Variants in TANC2 observed in about 807,000 individuals in gnomAD.
TANC2 encodes protein TANC2.
TANC2 carries 26 observed loss-of-function variants against 210.5 expected under a neutral mutation model. The observed-to-expected ratio is 0.12, with a 90% CI of 0.09 to 0.17. TANC2 has a LOEUF of 0.17. TANC2 is among the 10% of genes least tolerant of loss of function. TANC2 has a pLI of 1.00. For synonymous variants in TANC2, 931 were observed against 967.1 expected (o/e 0.96, Z 0.69); for missense variants, 2,129 against 2,608.9 (o/e 0.82, Z 4.01).
rs1253649108 is a variant in TANC2 at position 63,277,373 on chromosome 17, A to G, written c.1159+9500A>G. Among the ~76,000 whole-genome samples, 11 of 150,756 alleles carry G rather than the reference A, an allele frequency of 7.3e-5. No individual in the cohort carries two copies. The Admixed American group carries it at 7.3e-4, about 10-fold the overall frequency. ...TGTGTCACGGGGGTTTGTTGTACAGATTATTTCGTCACCCCGGTATTAAGC... is the reference window on the plus strand; with the variant it reads ...TGTGTCACGGGGGTTTGTTGTACAGGTTATTTCGTCACCCCGGTATTAAGC... On this transcript the variant is annotated intron_variant, in intron 9 of 27. Coordinates refer to ENST00000689528, the Ensembl canonical transcript of TANC2.
chr17:63,322,182 T>C (rs1330994282), intron 11 of TANC2, among the ~76,000 whole-genome samples: 1 of 152,164 alleles, frequency 6.6e-6, no homozygotes, highest in Admixed American at 6.5e-5. Flanking sequence ...TCTGTTTTTT[T>C]CTAAATATCT....
chr17:63,304,355 T>A (rs1253700642), intron 9 of TANC2, among the ~76,000 whole-genome samples: 1 of 152,080 alleles, frequency 6.6e-6, no homozygotes, highest in Admixed American at 6.6e-5. Context: ...GCTGCTGCAG[T>A]TTGCTGGGGG....
intron 7 of TANC2, among the ~76,000 whole-genome samples, chr17:63,235,364 A>G (rs767049494): frequency 6.6e-6 from 1 of 152,132 alleles, no homozygotes; most frequent in Non-Finnish European, 1.5e-5. Context: ...GAAATAGAGT[A>G]TAATAAATAC....
At chr17:63,296,592 C>T (rs978654033) in intron 9 of TANC2, among the ~76,000 whole-genome samples, 10 of 152,242 alleles carry the variant, frequency 6.6e-5, no homozygotes, top group Non-Finnish European at 1.3e-4. Context: ...GCAGCTGAGA[C>T]ATTGGACTTA....
chr17:63,032,524 A>G (rs761580862), intron 2 of TANC2, among the ~76,000 whole-genome samples: 4 of 152,184 alleles, frequency 2.6e-5, no homozygotes, highest in Non-Finnish European at 4.4e-5. Flanking sequence ...GCAAGAGATA[A>G]TGAGGGTCTG....
chr17:63,140,683 C>T lies in TANC2; in HGVS notation c.323-10587C>T, dbSNP rs569665500. Among the ~76,000 whole-genome samples, 18 of 152,278 alleles carry T rather than the reference C, an allele frequency of 1.2e-4. No individual in the cohort carries two copies. In the South Asian group the frequency reaches 3.3e-3, roughly 28 times the overall value. The stretch of plus-strand genomic sequence containing the variant: ...TATGTAATTCAGTGCTATTTACTGC[C>T]GTTTTTATGGATGATTTTAAATCAT... On this transcript the variant is annotated intron_variant, in intron 4 of 27. Coordinates refer to ENST00000689528, the Ensembl canonical transcript of TANC2.
intron 7 of TANC2, among the ~76,000 whole-genome samples, chr17:63,224,197 T>G (rs1037438873): frequency 6.6e-6 from 1 of 151,230 alleles, no homozygotes; most frequent in African/African-American, 2.4e-5. Context: ...CTGTTAACCA[T>G]CACCACTGAT....
intron 14 of TANC2, among the ~76,000 whole-genome samples, chr17:63,355,902 AT>A (rs2046767936): frequency 6.6e-6 from 1 of 152,194 alleles, no homozygotes; most frequent in African/African-American, 2.4e-5. Flanking sequence ...GCTGAAAAAG[AT>A]TTGAAGAGAT....
Position 63,220,720 on chromosome 17 carries a change from AT to A in TANC2, c.770-17093del, listed in dbSNP as rs1335166829. ...ATCAGTCTCAAAAAAAAAAAAAAAA[AT>A]ATATATATATATATATGTATATATA... is the stretch of plus-strand genomic sequence containing the variant. On this transcript the variant is annotated intron_variant, in intron 7 of 27. Coordinates refer to ENST00000689528, the Ensembl canonical transcript of TANC2. Among the ~76,000 whole-genome samples the A allele has an allele frequency of 7.5e-3, 802 of 107,034 alleles. 7 individuals carry two copies. Among genetic ancestry groups the A allele is most frequent in the Admixed American group, 0.015 (172 of 11,316 alleles). The allele number at this position is 107,034 out of a possible 152,430, so 70.2% of individuals were successfully genotyped here. A position where few individuals can be genotyped will look rare whatever the true frequency, so the allele number is the denominator to read the frequency against.
intron 14 of TANC2, among the ~76,000 whole-genome samples, chr17:63,363,364 T>C (rs2047019630): frequency 6.6e-6 from 1 of 152,254 alleles, no homozygotes; most frequent in Non-Finnish European, 1.5e-5. Flanking sequence ...TGTAACTTGC[T>C]GAGGTCCCAT....
At chr17:63,220,218 C>T (rs1419710979) in intron 7 of TANC2, among the ~76,000 whole-genome samples, 2 of 151,692 alleles carry the variant, frequency 1.3e-5, no homozygotes, top group East Asian at 1.9e-4. Flanking sequence ...TCGCTTGAAC[C>T]CAGGAGGCAG....
At chr17:63,351,152 C>G (rs1452444511) in intron 12 of TANC2, 98 bp from the exon 13 acceptor site, 16 of 1,107,976 alleles carry the variant, frequency 1.4e-5, no homozygotes, top group Non-Finnish European at 2.1e-5. Flanking sequence ...CAAGCCTTTT[C>G]TAATATTTTG....
chr17:63,254,117 A>G (rs933089630), intron 8 of TANC2, among the ~76,000 whole-genome samples: 8 of 152,188 alleles, frequency 5.3e-5, no homozygotes, highest in African/African-American at 1.9e-4. Flanking sequence ...ATTCCAGTCA[A>G]TGAACATGAA....
At chr17:63,105,986 G>A (rs1598406913) in intron 4 of TANC2, among the ~76,000 whole-genome samples, 1 of 151,696 alleles carries the variant, frequency 6.6e-6, no homozygotes, top group East Asian at 1.9e-4. Context: ...TATATACTAA[G>A]ACTTTTAAGC....
At chr17:63,385,248 C>T (rs951741187) in intron 15 of TANC2, among the ~76,000 whole-genome samples, 3 of 152,122 alleles carry the variant, frequency 2.0e-5, no homozygotes, top group African/African-American at 7.2e-5. Context: ...CTCTGTTAGA[C>T]TATGGATATT....
chr17:63,074,023 T>G lies in TANC2; in HGVS notation c.139+9T>G. On this transcript the variant is annotated intron_variant, in intron 3 of 27. Coordinates refer to ENST00000689528, the Ensembl canonical transcript of TANC2. ...AAGCCGCTCTGGGCAAGGTAAATTTTCATCAGATTGATTATTAAATTTCAA... is the reference window on the plus strand; with the variant it reads ...AAGCCGCTCTGGGCAAGGTAAATTTGCATCAGATTGATTATTAAATTTCAA... 4 of 1,560,226 alleles carry G rather than the reference T, an allele frequency of 2.6e-6. No individual in the cohort carries two copies. Among genetic ancestry groups the G allele is most frequent in the Non-Finnish European group, 3.5e-6 (4 of 1,152,616 alleles).
chr17:63,136,955 C>T (rs1238120574), intron 4 of TANC2, among the ~76,000 whole-genome samples: 3 of 152,136 alleles, frequency 2.0e-5, no homozygotes, highest in African/African-American at 7.2e-5. Context: ...GAGACAACTG[C>T]AGAACTCTGC....
intron 11 of TANC2, among the ~76,000 whole-genome samples, chr17:63,326,536 C>T (rs138488251): frequency 2.0e-5 from 3 of 152,094 alleles, no homozygotes; most frequent in African/African-American, 7.2e-5. Context: ...ATTTTACCAG[C>T]CTGGGCAACA....
chr17:63,412,618 T>C lies in TANC2; in HGVS notation c.3899-62T>C. On this transcript the variant is annotated intron_variant, in intron 23 of 27. Transcript: ENST00000689528. This position sits in a 1 kb window ranked among gnomAD's most constrained non-coding sequence, Gnocchi z 4.2. ...GCTGCTTTTTCCTTCTTTTTTTTTT[T>C]TTCACCTTCATCCATTTTTTTTTCC... is the stretch of plus-strand genomic sequence containing the variant. The C allele has an allele frequency of 6.9e-7, 1 of 1,446,950 alleles. No homozygotes were observed. Among genetic ancestry groups the C allele is most frequent in the South Asian group, 1.3e-5 (1 of 79,790 alleles). The allele number at this position is 1,446,950 out of a possible 1,614,324, so 89.6% of individuals were successfully genotyped here. A position where few individuals can be genotyped will look rare whatever the true frequency, so the allele number is the denominator to read the frequency against.
Sources: allele counts gnomAD v4.1 joint callset (sites outside exome capture counted in the v4.1 genomes callset), GRCh38; gene constraint gnomAD v4.1.1; non-coding constraint Gnocchi (gnomAD v3.1); transcripts MANE v1.5; gene names NCBI Gene and HGNC (gene_info 2026-07-23, HGNC 2026-07-21).